The following QTMAN variants were observed in gnomAD, a reference collection of about 807,000 sequenced individuals.
The protein encoded by QTMAN is queuosine-tRNA mannosyltransferase.
the QTMAN span, among the ~76,000 whole-genome samples, chr2:144,203,243 A>G: frequency 2.6e-5 from 4 of 151,784 alleles, no homozygotes; most frequent in Non-Finnish European, 4.4e-5. Context: ...AGAGTGGGGG[A>G]GAGAGCAAAG....
the QTMAN span, among the ~76,000 whole-genome samples, chr2:144,227,890 G>A: frequency 3.3e-5 from 5 of 152,294 alleles, no homozygotes; most frequent in South Asian, 6.2e-4. Context: ...GCTAGAAAGC[G>A]AAAACATTTG....
the QTMAN span, among the ~76,000 whole-genome samples, chr2:143,999,012 T>C: frequency 6.6e-6 from 1 of 151,172 alleles, no homozygotes; most frequent in Non-Finnish European, 1.5e-5. Flanking sequence ...AGTCACCCTA[T>C]AATTCATTAA....
chr2:144,029,920 GT>G, the QTMAN span, among the ~76,000 whole-genome samples: 6 of 152,138 alleles, frequency 3.9e-5, no homozygotes, highest in African/African-American at 1.4e-4. Flanking sequence ...GAGTGTGAGT[GT>G]GTGTGTACCC....
At chr2:144,083,354 TAAG>T in the QTMAN span, among the ~76,000 whole-genome samples, 1 of 152,156 alleles carries the variant, frequency 6.6e-6, no homozygotes, top group African/African-American at 2.4e-5. Flanking sequence ...ACCAGCCATG[TAAG>T]AAGAGCCTCT....
the QTMAN span, among the ~76,000 whole-genome samples, chr2:144,302,745 T>C: frequency 3.3e-5 from 5 of 152,050 alleles, no homozygotes; most frequent in African/African-American, 4.8e-5. Context: ...ATTTGACAAA[T>C]ATTCAAGAAC....
the QTMAN span, among the ~76,000 whole-genome samples, chr2:143,959,562 C>T: frequency 6.6e-6 from 1 of 152,008 alleles, no homozygotes; most frequent in African/African-American, 2.4e-5. Context: ...ACTCAGCATT[C>T]AATAAACAGC....
chr2:143,959,894 G>A, the QTMAN span, among the ~76,000 whole-genome samples: 3 of 152,058 alleles, frequency 2.0e-5, no homozygotes, highest in African/African-American at 7.2e-5. Flanking sequence ...CCTACTTTGT[G>A]CAGTGTGCTA....
chr2:144,081,762 T>C, the QTMAN span, among the ~76,000 whole-genome samples: 1 of 152,160 alleles, frequency 6.6e-6, no homozygotes, highest in Non-Finnish European at 1.5e-5. Flanking sequence ...CGCAAAACAA[T>C]TTCTCTGAAA....
the QTMAN span, among the ~76,000 whole-genome samples, chr2:144,325,646 T>C: frequency 8.2e-4 from 125 of 152,284 alleles, no homozygotes; most frequent in African/African-American, 2.9e-3. Context: ...CCTTTTAGAG[T>C]TGTAAAGTGT....
chr2:144,169,429 T>C, the QTMAN span, among the ~76,000 whole-genome samples: 1 of 152,188 alleles, frequency 6.6e-6, no homozygotes, highest in Non-Finnish European at 1.5e-5. Context: ...AAAAAATATT[T>C]TTTTGCTGTA....
chr2:144,132,264 T>G, the QTMAN span, among the ~76,000 whole-genome samples: 2 of 151,994 alleles, frequency 1.3e-5, no homozygotes, highest in Non-Finnish European at 2.9e-5. Flanking sequence ...TACACCTAAT[T>G]TTTTGAGGCA....
At chr2:144,208,007 G>A in the QTMAN span, among the ~76,000 whole-genome samples, 4 of 152,034 alleles carry the variant, frequency 2.6e-5, no homozygotes, top group South Asian at 8.3e-4. Flanking sequence ...CATGCCACTG[G>A]CCCAGCTCAT....
the QTMAN span, among the ~76,000 whole-genome samples, chr2:144,122,798 T>C: frequency 2.6e-5 from 4 of 152,212 alleles, no homozygotes; most frequent in Non-Finnish European, 5.9e-5. Flanking sequence ...GTTCTATTAT[T>C]GGAAATTCAG....
At chr2:144,090,570 C>A in the QTMAN span, among the ~76,000 whole-genome samples, 1 of 151,676 alleles carries the variant, frequency 6.6e-6, no homozygotes, top group Non-Finnish European at 1.5e-5. Flanking sequence ...CCTGTCCGGG[C>A]AAGGAACAGT....
chr2:144,278,960 T>C, the QTMAN span, among the ~76,000 whole-genome samples: 1 of 152,262 alleles, frequency 6.6e-6, no homozygotes, highest in Non-Finnish European at 1.5e-5. Flanking sequence ...CAGTAACAAA[T>C]GCACAGTAGG....
chr2:144,310,791 T>C, the QTMAN span, among the ~76,000 whole-genome samples: 1 of 152,218 alleles, frequency 6.6e-6, no homozygotes, highest in Non-Finnish European at 1.5e-5. Context: ...GAAACAAGTT[T>C]GGGTAAAAAG....
chr2:143,946,395 T>G, the QTMAN span: 2 of 152,296 alleles, frequency 1.3e-5, no homozygotes, highest in Non-Finnish European at 2.9e-5. Context: ...CCAGACCTCT[T>G]ATTAATACCT....
the QTMAN span, among the ~76,000 whole-genome samples, chr2:144,136,769 C>G: frequency 1.4e-4 from 21 of 152,112 alleles, no homozygotes; most frequent in Non-Finnish European, 2.9e-4. Context: ...TGCAAAATTG[C>G]TTGACTTTTC....
At chr2:144,332,836 T>G in the QTMAN span, among the ~76,000 whole-genome samples, 2 of 152,332 alleles carry the variant, frequency 1.3e-5, no homozygotes, top group Non-Finnish European at 2.9e-5. Context: ...TTTCGTACTC[T>G]TTCCCCAACC....
Sources: allele counts gnomAD v4.1 joint callset (sites outside exome capture counted in the v4.1 genomes callset), GRCh38; gene constraint gnomAD v4.1.1; transcripts MANE v1.5; gene names NCBI Gene and HGNC (gene_info 2026-07-23, HGNC 2026-07-21).